RNF217: variants seen among roughly 807,000 people sequenced by gnomAD.
RNF217 encodes ring finger protein 217, also known as E3 ubiquitin-protein ligase RNF217.
In RNF217, 31 loss-of-function variants were observed where a neutral mutation model predicts 57.8. The ratio of observed to expected loss-of-function variants is 0.54; its 90% CI spans 0.40 to 0.72. RNF217 has a LOEUF of 0.72. Among genes scored for constraint, RNF217 ranks in the 30% least tolerant of loss-of-function variants. The pLI is 0.00. For synonymous variants in RNF217, 313 were observed against 294.0 expected (o/e 1.06, Z -0.66); for missense variants, 696 against 708.3 (o/e 0.98, Z 0.20).
At chr6:125,032,596 G>A (rs995181945) in intron 1 of RNF217, among the ~76,000 whole-genome samples, 1 of 152,006 alleles carries the variant, frequency 6.6e-6, no homozygotes, top group Non-Finnish European at 1.5e-5. Flanking sequence ...TGTATTTCAT[G>A]TATATACTTT....
intron 1 of RNF217, chr6:124,983,391 A>G: frequency 1.0e-6 from 1 of 985,122 alleles, no homozygotes; most frequent in Non-Finnish European, 1.2e-6. Flanking sequence ...GGACACAAAC[A>G]TGAGAAGATT....
intron 1 of RNF217, among the ~76,000 whole-genome samples, chr6:125,022,100 C>T (rs955358898): frequency 6.6e-6 from 1 of 152,060 alleles, no homozygotes; most frequent in Admixed American, 6.6e-5. Context: ...CCAGGCTGCT[C>T]TCGAACTCCT....
At chr6:125,065,208 T>G (rs1401022440) in intron 3 of RNF217, among the ~76,000 whole-genome samples, 1 of 151,016 alleles carries the variant, frequency 6.6e-6, no homozygotes, top group African/African-American at 2.4e-5. Flanking sequence ...GGAGAATGGC[T>G]TGAACCCAGG....
chr6:125,045,202 A>G lies in RNF217; in HGVS notation c.883-9A>G, dbSNP rs747571195. 1.3e-6 allele frequency: 2 copies of G among 1,591,442 alleles called. No individual in the cohort carries two copies. Among genetic ancestry groups the G allele is most frequent in the South Asian group, 1.1e-5 (1 of 88,764 alleles). ...TTTTTTTCCTTCCATCTGCTCTTCC[A>G]TCATGCAGGTACAACTTGGCCAAGT... On this transcript the variant is annotated splice_polypyrimidine_tract_variant and intron_variant, in intron 1 of 5. Coordinates refer to ENST00000521654, the MANE Select transcript of RNF217 (RefSeq NM_001286398.3).
intron 1 of RNF217, among the ~76,000 whole-genome samples, chr6:125,029,425 C>T (rs1369217164): frequency 6.6e-6 from 1 of 152,028 alleles, no homozygotes; most frequent in Non-Finnish European, 1.5e-5. Flanking sequence ...TGAATAGAAG[C>T]CAGGAAGGAG....
At chr6:125,016,215 T>C (rs1785596758) in intron 1 of RNF217, among the ~76,000 whole-genome samples, 1 of 152,308 alleles carries the variant, frequency 6.6e-6, no homozygotes, top group South Asian at 2.1e-4. Flanking sequence ...TTTGTACTTT[T>C]CCAGGCTTTA....
At chr6:124,984,600 A>C (rs1784307901) in intron 1 of RNF217, among the ~76,000 whole-genome samples, 1 of 151,858 alleles carries the variant, frequency 6.6e-6, no homozygotes, top group African/African-American at 2.4e-5. Flanking sequence ...GGGACATTTC[A>C]ATAAAGGTGC....
At chr6:125,033,039 G>A (rs548022471) in intron 1 of RNF217, among the ~76,000 whole-genome samples, 1 of 152,068 alleles carries the variant, frequency 6.6e-6, no homozygotes, top group South Asian at 2.1e-4. Context: ...ATTTTCATAT[G>A]CTCACTGGCC....
chr6:125,076,601 G>A (rs1310132841), intron 3 of RNF217, 56 bp from the exon 4 acceptor site: 2 of 1,335,272 alleles, frequency 1.5e-6, no homozygotes, highest in Non-Finnish European at 2.1e-6. Context: ...TTGCGATTTT[G>A]CTTTTTAAAA....
At chr6:124,990,873 T>C (rs1247524657) in intron 1 of RNF217, among the ~76,000 whole-genome samples, 1 of 152,156 alleles carries the variant, frequency 6.6e-6, no homozygotes, top group Non-Finnish European at 1.5e-5. Flanking sequence ...GAGACCAGCC[T>C]GAGCAACAAA....
In RNF217 at chr6:125,090,828, A is replaced by G. The variant is rs1430139996; in HGVS notation, c.*7891A>G. The G allele has an allele frequency of 6.6e-6, 1 of 151,954 alleles. No homozygotes were observed. The highest frequency in any genetic ancestry group is 1.9e-4 in the East Asian group (1 of 5,202). The allele number at this position is 151,954 out of a possible 1,614,324, so 9.4% of individuals were successfully genotyped here. On this transcript the variant is annotated 3_prime_UTR_variant, in exon 6 of 6. Transcript: ENST00000521654. The stretch of plus-strand genomic sequence containing the variant: ...TAATGATATTGGAAAATATTTATGC[A>G]ATTTTATTTTTTAACCTTTTCTCCA...
intron 1 of RNF217, among the ~76,000 whole-genome samples, chr6:124,995,621 C>T (rs946172559): frequency 7.2e-5 from 11 of 152,052 alleles, no homozygotes; most frequent in African/African-American, 2.7e-4. Flanking sequence ...TACACTTTGC[C>T]TATTGAAAAA....
intron 1 of RNF217, among the ~76,000 whole-genome samples, chr6:124,970,655 A>G (rs1783727615): frequency 1.3e-5 from 2 of 152,222 alleles, no homozygotes; most frequent in Non-Finnish European, 2.9e-5. Flanking sequence ...GATGGTATTT[A>G]AAGCTATTAG....
chr6:124,973,306 C>T (rs1322048302), intron 1 of RNF217, among the ~76,000 whole-genome samples: 1 of 152,200 alleles, frequency 6.6e-6, no homozygotes, highest in Non-Finnish European at 1.5e-5. Flanking sequence ...AATTTCGCTT[C>T]ACTGACTCAG....
intron 4 of RNF217, among the ~76,000 whole-genome samples, chr6:125,078,194 GAT>G (rs1368348959): frequency 6.6e-6 from 1 of 152,118 alleles, no homozygotes; most frequent in African/African-American, 2.4e-5. Context: ...TAGTTAAACA[GAT>G]ATTGGAGGGA....
intron 1 of RNF217, among the ~76,000 whole-genome samples, chr6:125,018,723 C>T (rs1170617112): frequency 6.6e-6 from 1 of 152,136 alleles, no homozygotes; most frequent in Non-Finnish European, 1.5e-5. Flanking sequence ...GGTAGTAGGA[C>T]TAGTTGAAAA....
intron 2 of RNF217, among the ~76,000 whole-genome samples, chr6:125,054,477 G>A (rs1787448824): frequency 6.6e-6 from 1 of 152,168 alleles, no homozygotes; most frequent in South Asian, 2.1e-4. Context: ...TTCTCCAGTG[G>A]TCTGCATTGT....
At position 124,969,612 on chromosome 6, in the gene RNF217, G is replaced by A. The variant is rs118124979; in HGVS notation, c.882+6186G>A. 2.8e-3 allele frequency among the ~76,000 whole-genome samples: 419 copies of A among 152,142 alleles called. 8 individuals carry two copies. The East Asian group carries it at 0.069, about 25-fold the overall frequency. On this transcript the variant is annotated intron_variant, in intron 1 of 5. Coordinates refer to ENST00000521654, the MANE Select transcript of RNF217 (RefSeq NM_001286398.3). The stretch of plus-strand genomic sequence containing the variant: ...ATCTATCTTGTAAACATTCTTACAT[G>A]TATTTTTATTTAATTCTAATTTACT...
intron 1 of RNF217, among the ~76,000 whole-genome samples, chr6:125,035,367 T>G (rs570696531): frequency 3.5e-4 from 53 of 152,250 alleles, no homozygotes; most frequent in Middle Eastern, 3.4e-3. Context: ...GCAGAAACTC[T>G]ACAAGCCAGA....
Sources: gnomAD v4.1 joint callset for allele counts (sites outside exome capture counted in the v4.1 genomes callset) on GRCh38, gnomAD v4.1.1 for gene constraint, MANE v1.5 for transcripts, NCBI Gene and HGNC (gene_info 2026-07-23, HGNC 2026-07-21) for gene names.